SGMS2: variants seen among roughly 807,000 people sequenced by gnomAD.
SGMS2 encodes the protein phosphatidylcholine:ceramide cholinephosphotransferase 2.
A neutral mutation model predicts 43.8 loss-of-function variants in SGMS2; 21 were observed. The ratio of observed to expected loss-of-function variants is 0.48; its 90% CI spans 0.34 to 0.69. The LOEUF is 0.69. Among genes scored for constraint, SGMS2 ranks in the 30% least tolerant of loss-of-function variants. SGMS2 has a pLI of 0.01. For synonymous variants in SGMS2, 167 were observed against 160.6 expected (o/e 1.04, Z -0.30); for missense variants, 384 against 443.2 (o/e 0.87, Z 1.20).
intron 1 of SGMS2, among the ~76,000 whole-genome samples, chr4:107,825,620 CTTTTTTTTTT>C (rs201101875): frequency 2.7e-4 from 31 of 116,274 alleles, no homozygotes; most frequent in African/African-American, 1.1e-3. Flanking sequence ...TTTTCTTTCT[CTTTTTTTTTT>C]TTTTTTTTTT....
intron 2 of SGMS2, among the ~76,000 whole-genome samples, chr4:107,866,523 G>A (rs980446968): frequency 6.6e-6 from 1 of 151,526 alleles, no homozygotes. Context: ...CTGAGATCGC[G>A]CCATTGCACT....
intron 2 of SGMS2, among the ~76,000 whole-genome samples, chr4:107,874,467 G>T (rs1728769905): frequency 6.6e-6 from 1 of 152,136 alleles, no homozygotes. Context: ...GCAACATAGG[G>T]ATTTAGTTCT....
chr4:107,863,825 T>A (rs963129260), intron 2 of SGMS2: 2 of 152,242 alleles, frequency 1.3e-5, no homozygotes, highest in African/African-American at 4.8e-5. Context: ...GTGACATATA[T>A]GGAAACCATA....
At chr4:107,903,515 A>G (rs757865607) in intron 5 of SGMS2, 129 bp downstream of exon 5, 41 of 725,684 alleles carry the variant, frequency 5.6e-5, no homozygotes, top group Non-Finnish European at 8.3e-5. Flanking sequence ...GTGTGTATAT[A>G]TGTATGTGAA....
chr4:107,825,620 CTTTTTTTTTTT>C (rs201101875), intron 1 of SGMS2, among the ~76,000 whole-genome samples: 9 of 116,290 alleles, frequency 7.7e-5, no homozygotes, highest in Non-Finnish European at 1.4e-4. Flanking sequence ...TTTTCTTTCT[CTTTTTTTTTTT>C]TTTTTTTTTT....
intron 1 of SGMS2, among the ~76,000 whole-genome samples, chr4:107,825,844 C>T (rs2125978162): frequency 6.6e-6 from 1 of 152,212 alleles, no homozygotes; most frequent in South Asian, 2.1e-4. Flanking sequence ...CGGCTTGAAA[C>T]CAACTCAAAA....
intron 3 of SGMS2, among the ~76,000 whole-genome samples, chr4:107,896,688 C>T (rs1730697913): frequency 6.6e-6 from 1 of 152,118 alleles, no homozygotes; most frequent in Non-Finnish European, 1.5e-5. Flanking sequence ...CTGGGTTCAG[C>T]CTCCTCATTT....
intron 2 of SGMS2, among the ~76,000 whole-genome samples, chr4:107,872,160 C>T (rs1728596735): frequency 6.6e-6 from 1 of 152,134 alleles, no homozygotes. Flanking sequence ...GTAATTGGAT[C>T]TCAGTAGGTT....
intron 1 of SGMS2, among the ~76,000 whole-genome samples, chr4:107,827,404 G>GA (rs1467547594): frequency 6.6e-6 from 1 of 152,042 alleles, no homozygotes; most frequent in African/African-American, 2.4e-5. Context: ...ATCAAGAGGG[G>GA]AAAAAAGGAG....
intron 4 of SGMS2, 75 bp downstream of exon 4, chr4:107,899,767 C>A (rs1037112727): frequency 2.4e-6 from 2 of 828,964 alleles, no homozygotes; most frequent in Non-Finnish European, 3.7e-6. Flanking sequence ...ATTATACATT[C>A]TTCTAGACAC....
chr4:107,914,072 TTATATA>T lies in SGMS2; in HGVS notation c.*3524_*3529del, dbSNP rs1172293258. 6.6e-6 allele frequency: 1 copy of T among 152,020 alleles called. No individual in the cohort carries two copies. Among genetic ancestry groups the T allele is most frequent in the Non-Finnish European group, 1.5e-5 (1 of 67,962 alleles). 9.4% of individuals were successfully genotyped at this position (152,020 alleles called of 1,614,324 possible). A position where few individuals can be genotyped will look rare whatever the true frequency, so the allele number is the denominator to read the frequency against. On this transcript the variant is annotated 3_prime_UTR_variant, in exon 7 of 7. Coordinates refer to ENST00000690982, the MANE Select transcript of SGMS2 (RefSeq NM_001375905.1). ...TGCCATGTGTTGAAGGCTTTTCTAT[TTATATA>T]TATAAAGATTTTTAGTATTTGTTTT... is the stretch of plus-strand genomic sequence containing the variant.
intron 5 of SGMS2, 75 bp downstream of exon 5, chr4:107,903,461 C>A: frequency 7.1e-7 from 1 of 1,400,792 alleles, no homozygotes; most frequent in Non-Finnish European, 9.9e-7. Flanking sequence ...TTGATAGGAG[C>A]CCTTATTCTC....
At chr4:107,850,339 C>T (rs62313435) in intron 1 of SGMS2, among the ~76,000 whole-genome samples, 50,383 of 152,086 alleles carry the variant, frequency 0.33, 9,969 homozygotes, top group Non-Finnish European at 0.46. Context: ...TGGTCTAAGA[C>T]AATGTGGTTA....
At chr4:107,886,201 G>T (rs1323739547) in intron 2 of SGMS2, among the ~76,000 whole-genome samples, 1 of 147,088 alleles carries the variant, frequency 6.8e-6, no homozygotes, top group Non-Finnish European at 1.5e-5. Context: ...CTTTGTTGTT[G>T]TTTTTTTTTT....
rs549823914 is a variant in SGMS2, at chr4:107,866,497, C to T, written c.-245+7944C>T. Among the ~76,000 whole-genome samples, 14 of 151,554 alleles carry T rather than the reference C, an allele frequency of 9.2e-5. No homozygotes were observed. The East Asian group carries it at 1.6e-3, about 17-fold the overall frequency. ...AGGAGAATCGCTTGAACCTGAGAGG[C>T]GGAGGTTGCAGTGAGCTGAGATCGC... is the stretch of plus-strand genomic sequence containing the variant. On this transcript the variant is annotated intron_variant, in intron 2 of 6. Transcript: ENST00000690982.
intron 6 of SGMS2, 55 bp from the exon 7 acceptor site, chr4:107,910,295 G>C: frequency 1.4e-6 from 2 of 1,410,686 alleles, no homozygotes; most frequent in South Asian, 2.4e-5. Flanking sequence ...GAAAATAATT[G>C]GGATGCAAAT....
At chr4:107,879,030 T>G (rs1729136876) in intron 2 of SGMS2, among the ~76,000 whole-genome samples, 1 of 152,116 alleles carries the variant, frequency 6.6e-6, no homozygotes, top group Non-Finnish European at 1.5e-5. Flanking sequence ...GTTTATTGTT[T>G]TCAAATTTGT....
In SGMS2 at chr4:107,899,574, G is replaced by T. The variant is rs1490230264; in HGVS notation, c.456-1G>T. On this transcript the variant is annotated splice_acceptor_variant, in intron 3 of 6. Transcript: ENST00000690982. LOFTEE classifies it high-confidence loss of function. The stretch of plus-strand genomic sequence containing the variant: ...TTCCCCATCCCTATTTTTTCTTTTA[G>T]GTCAATAGTGGGACGCAGATTCTGT... The T allele has an allele frequency of 2.5e-6, 4 of 1,599,580 alleles. No individual in the cohort carries two copies. The Admixed American group carries it at 7.0e-5, about 28-fold the overall frequency.
At chr4:107,854,152 G>A (rs1308885756) in intron 1 of SGMS2, among the ~76,000 whole-genome samples, 4 of 152,104 alleles carry the variant, frequency 2.6e-5, no homozygotes, top group African/African-American at 7.2e-5. Flanking sequence ...GAATGAAAAC[G>A]GCTGATAAAT....
Sources: allele counts gnomAD v4.1 joint callset (sites outside exome capture counted in the v4.1 genomes callset), GRCh38; gene constraint gnomAD v4.1.1; transcripts MANE v1.5; gene names NCBI Gene and HGNC (gene_info 2026-07-23, HGNC 2026-07-21).